Variants in ACVR1 observed in about 807,000 individuals in gnomAD.
The protein encoded by ACVR1 is activin receptor type-1.
A neutral mutation model predicts 57.1 loss-of-function variants in ACVR1; 38 were observed. The ratio of observed to expected loss-of-function variants is 0.67; its 90% confidence interval spans 0.51 to 0.87. The LOEUF (loss-of-function observed/expected upper bound fraction) is 0.87, where lower values mean the gene tolerates loss of function less well. ACVR1 is among the 40% of genes least tolerant of loss of function. ACVR1 has a pLI of 0.00. For missense variants in ACVR1, 463 were observed against 638.2 expected (o/e 0.73, Z 2.96); for synonymous variants, 212 against 228.1 (o/e 0.93, Z 0.63).
intron 9 of ACVR1, among the ~76,000 whole-genome samples, chr2:157,757,833 G>A (rs536293844): frequency 2.6e-4 from 39 of 151,500 alleles, no homozygotes; most frequent in African/African-American, 8.9e-4. Context: ...ACACAAAAAT[G>A]AGAAGGAGAA....
chr2:157,802,678 A>C (rs1478830724), intron 2 of ACVR1, among the ~76,000 whole-genome samples: 1 of 152,180 alleles, frequency 6.6e-6, no homozygotes, highest in Non-Finnish European at 1.5e-5. Context: ...ACCTTCTAGA[A>C]GCCTGTCTAA....
intron 1 of ACVR1, among the ~76,000 whole-genome samples, chr2:157,865,434 A>G (rs1574164371): frequency 2.0e-5 from 3 of 152,332 alleles, no homozygotes. Flanking sequence ...CCCTTGATTC[A>G]GCAATTCCAA....
chr2:157,743,054 C>T (rs1415555920), intron 9 of ACVR1, among the ~76,000 whole-genome samples: 1 of 152,172 alleles, frequency 6.6e-6, no homozygotes, highest in Non-Finnish European at 1.5e-5. Flanking sequence ...CATACCTGGA[C>T]ATCAGCCACA....
chr2:157,746,671 G>C (rs1032612484), intron 9 of ACVR1, among the ~76,000 whole-genome samples: 2 of 152,236 alleles, frequency 1.3e-5, no homozygotes, highest in East Asian at 3.9e-4. Context: ...AGAAATGCTG[G>C]GGCTGGGCCC....
At position 157,867,018 on chromosome 2, in the gene ACVR1, T is replaced by G. The variant is rs60142538; in HGVS notation, c.-183+8778A>C. The stretch of plus-strand genomic sequence containing the variant: ...CTATCTCCAGAGTTTCAGTTCCATT[T>G]TCCCAGCTTCTCACAGGGCTCAAGT... On this transcript the variant is annotated intron_variant, in intron 1 of 10. Transcript: ENST00000434821. 3.7e-3 allele frequency among the ~76,000 whole-genome samples: 564 copies of G among 152,324 alleles called. 3 individuals carry two copies. Among genetic ancestry groups the G allele is most frequent in the African/African-American group, 0.012 (505 of 41,570 alleles).
chr2:157,786,888 C>T (rs1686732420), intron 3 of ACVR1, among the ~76,000 whole-genome samples: 1 of 152,132 alleles, frequency 6.6e-6, no homozygotes, highest in African/African-American at 2.4e-5. Flanking sequence ...CTGGTCTTTG[C>T]TGCCATATTT....
chr2:157,812,916 T>A (rs376423268), intron 2 of ACVR1, among the ~76,000 whole-genome samples: 2 of 152,184 alleles, frequency 1.3e-5, no homozygotes, highest in African/African-American at 4.8e-5. Context: ...TCAAAGGATA[T>A]AGAAAGTCTA....
intron 2 of ACVR1, among the ~76,000 whole-genome samples, chr2:157,801,865 T>C (rs183406786): frequency 4.6e-5 from 7 of 152,322 alleles, no homozygotes; most frequent in South Asian, 4.1e-4. Flanking sequence ...CTTATCTGAA[T>C]TCCCAGTCCT....
intron 4 of ACVR1, 59 bp downstream of exon 4, chr2:157,780,278 G>A (rs542699232): frequency 4.0e-5 from 65 of 1,610,834 alleles, no homozygotes; most frequent in African/African-American, 2.8e-4. Flanking sequence ...TAACCCACAC[G>A]GACCCAGGAC....
chr2:157,814,081 A>C (rs1040336289), intron 2 of ACVR1, among the ~76,000 whole-genome samples: 1 of 152,250 alleles, frequency 6.6e-6, no homozygotes, highest in Admixed American at 6.5e-5. Context: ...GGTGCTTAGA[A>C]CAAGTTCTCA....
chr2:157,860,670 C>CAG (rs1689688412), intron 1 of ACVR1, among the ~76,000 whole-genome samples: 2 of 152,158 alleles, frequency 1.3e-5, no homozygotes, highest in Admixed American at 6.6e-5. Context: ...AGCTTCTTGG[C>CAG]AGATGCTGCT....
intron 7 of ACVR1, among the ~76,000 whole-genome samples, chr2:157,768,502 C>T (rs779512360): frequency 2.8e-4 from 42 of 152,048 alleles, no homozygotes; most frequent in Non-Finnish European, 4.4e-4. Flanking sequence ...AAATAATAAA[C>T]GAATACATTT....
intron 9 of ACVR1, among the ~76,000 whole-genome samples, chr2:157,743,294 G>C (rs910928443): frequency 2.6e-5 from 4 of 151,972 alleles, no homozygotes; most frequent in Admixed American, 2.6e-4. Flanking sequence ...CAACACAGGG[G>C]CCTAGACAAA....
At chr2:157,838,633 T>C (rs1360914927) in intron 1 of ACVR1, among the ~76,000 whole-genome samples, 6 of 152,284 alleles carry the variant, frequency 3.9e-5, no homozygotes. Flanking sequence ...TGCTTTCTGC[T>C]TAGCTCATGC....
At chr2:157,855,344 A>ACC (rs1689494915) in intron 1 of ACVR1, among the ~76,000 whole-genome samples, 2 of 143,838 alleles carry the variant, frequency 1.4e-5, no homozygotes, top group Non-Finnish European at 1.5e-5. Context: ...ACACACACAC[A>ACC]CAAAAATTAG....
chr2:157,782,029 A>G (rs1396548012), intron 3 of ACVR1, among the ~76,000 whole-genome samples: 1 of 152,222 alleles, frequency 6.6e-6, no homozygotes, highest in Non-Finnish European at 1.5e-5. Flanking sequence ...TTAAAATAAC[A>G]GGTTGGGTGG....
chr2:157,793,212 G>A (rs910376740), intron 3 of ACVR1, among the ~76,000 whole-genome samples: 3 of 152,132 alleles, frequency 2.0e-5, no homozygotes, highest in Non-Finnish European at 4.4e-5. Context: ...ACTGCACACT[G>A]TTGACCACAA....
intron 1 of ACVR1, chr2:157,860,017 A>C (rs1444845998): frequency 6.6e-6 from 1 of 152,050 alleles, no homozygotes; most frequent in Non-Finnish European, 1.5e-5. Flanking sequence ...CCCATACCCC[A>C]AGGGCCAATA....
At position 157,765,793 on chromosome 2, in the gene ACVR1, T is replaced by C. The variant is rs564527780; in HGVS notation, c.1066+128A>G. 17 of 871,770 alleles carry C rather than the reference T, an allele frequency of 2.0e-5. No individual in the cohort carries two copies. In the East Asian group the frequency reaches 2.4e-4, roughly 12 times the overall value. 54.0% of individuals were successfully genotyped at this position (871,770 alleles called of 1,614,324 possible). A position where few individuals can be genotyped will look rare whatever the true frequency, so the allele number is the denominator to read the frequency against. ...TATGTGGTGGGTATAAAGGTGTTCA[T>C]TGTAAATGTTCAACTTTTCTGCATG... is the stretch of plus-strand genomic sequence containing the variant. On this transcript the variant is annotated intron_variant, in intron 8 of 10. Coordinates refer to ENST00000434821, the MANE Select transcript of ACVR1 (RefSeq NM_001111067.4).
Sources: allele counts gnomAD v4.1 joint callset (sites outside exome capture counted in the v4.1 genomes callset), GRCh38; gene constraint gnomAD v4.1.1; transcripts MANE v1.5; gene names NCBI Gene and HGNC (gene_info 2026-07-23, HGNC 2026-07-21).